The following ALPK2 variants were observed in gnomAD, a reference collection of about 807,000 sequenced individuals.
ALPK2 encodes the protein alpha-protein kinase 2.
ALPK2 carries 127 observed loss-of-function variants against 163.1 expected under a neutral mutation model. That is an observed-to-expected ratio of 0.78 (90% confidence interval 0.67 to 0.90). The LOEUF is 0.90. Ranked by LOEUF, ALPK2 falls within the 40% of genes least tolerant of loss-of-function variation. The pLI is 0.00. For synonymous variants in ALPK2, 953 were observed against 959.1 expected (o/e 0.99, Z 0.12); for missense variants, 2,360 against 2,589.6 (o/e 0.91, Z 1.92).
Position 58,536,617 on chromosome 18 carries a change from C to A in ALPK2, c.3570G>T (p.Gly1190=). Reference sequence around the variant, plus strand: ...TTTCAGCCACCACGGAGACCCTCGTCCCCCAACCTGAGCGCTGCCCTGCTC... The same window carrying A: ...TTTCAGCCACCACGGAGACCCTCGTACCCCAACCTGAGCGCTGCCCTGCTC... The part of the protein sequence containing the change: ...REGAGQRSGW[G]TRVSVVAETA... Residue 1190 remains glycine, a synonymous_variant, in exon 5 of 13, where the codon GGG becomes GGT. Transcript: ENST00000361673. 1 of 1,614,138 alleles carries A rather than the reference C, an allele frequency of 6.2e-7. No homozygotes were observed. Among genetic ancestry groups the A allele is most frequent in the Non-Finnish European group, 8.5e-7 (1 of 1,180,016 alleles).
chr18:58,577,229 C>T (rs973858398), intron 4 of ALPK2, among the ~76,000 whole-genome samples: 17 of 152,228 alleles, frequency 1.1e-4, no homozygotes, highest in African/African-American at 3.9e-4. Context: ...GGGCTCTTCC[C>T]TCCAGCTCTT....
chr18:58,557,603 A>G (rs1400237363), intron 4 of ALPK2, among the ~76,000 whole-genome samples: 1 of 152,130 alleles, frequency 6.6e-6, no homozygotes, highest in Non-Finnish European at 1.5e-5. Context: ...TTAAAGAGAA[A>G]AAGAATTATA....
At chr18:58,486,893 A>C (rs1326317548) in intron 12 of ALPK2, among the ~76,000 whole-genome samples, 1 of 152,204 alleles carries the variant, frequency 6.6e-6, no homozygotes, top group East Asian at 1.9e-4. Context: ...ACATGAATTC[A>C]ATAACATCAA....
At chr18:58,550,975 C>T (rs567551256) in intron 4 of ALPK2, among the ~76,000 whole-genome samples, 1 of 152,144 alleles carries the variant, frequency 6.6e-6, no homozygotes, top group East Asian at 1.9e-4. Flanking sequence ...CAACCCCATC[C>T]CTACCTCTAT....
intron 5 of ALPK2, among the ~76,000 whole-genome samples, chr18:58,530,498 AC>A (rs1602203102): frequency 6.6e-6 from 1 of 152,074 alleles, no homozygotes; most frequent in African/African-American, 2.4e-5. Flanking sequence ...GACCAAGCCC[AC>A]CTCCTCATCT....
intron 8 of ALPK2, among the ~76,000 whole-genome samples, chr18:58,520,069 A>G (rs909364658): frequency 6.6e-6 from 1 of 152,158 alleles, no homozygotes; most frequent in African/African-American, 2.4e-5. Context: ...TTGCAGAGCC[A>G]TCCGTTGCCA....
chr18:58,615,890 C>T (rs1245121382), intron 1 of ALPK2, among the ~76,000 whole-genome samples: 2 of 152,174 alleles, frequency 1.3e-5, no homozygotes, highest in African/African-American at 4.8e-5. Flanking sequence ...TACTGACAAA[C>T]ACACACTATT....
At chr18:58,544,798 A>G (rs1353619147) in intron 4 of ALPK2, 9 of 152,218 alleles carry the variant, frequency 5.9e-5, no homozygotes, top group Admixed American at 4.6e-4. Context: ...GATGTGGTAG[A>G]TACTGTTGGC....
intron 4 of ALPK2, among the ~76,000 whole-genome samples, chr18:58,564,997 T>C (rs1196635747): frequency 6.6e-6 from 1 of 152,240 alleles, no homozygotes; most frequent in Non-Finnish European, 1.5e-5. Context: ...AAAATAATTT[T>C]ATGTGTTTAT....
At chr18:58,623,110 A>G (rs563236970) in intron 1 of ALPK2, among the ~76,000 whole-genome samples, 1 of 152,292 alleles carries the variant, frequency 6.6e-6, no homozygotes, top group East Asian at 1.9e-4. Context: ...TGGTGTGAGG[A>G]CAGGGAAGTT....
At chr18:58,483,904 A>G (rs555244867) in intron 12 of ALPK2, among the ~76,000 whole-genome samples, 1 of 151,714 alleles carries the variant, frequency 6.6e-6, no homozygotes, top group East Asian at 1.9e-4. Flanking sequence ...GACCTTTCCA[A>G]CCAAGTCACA....
chr18:58,573,401 T>C (rs1442701025), intron 4 of ALPK2, among the ~76,000 whole-genome samples: 2 of 142,700 alleles, frequency 1.4e-5, no homozygotes, highest in African/African-American at 5.2e-5. Flanking sequence ...TATATGTGTG[T>C]ATATATATAT....
intron 3 of ALPK2, among the ~76,000 whole-genome samples, chr18:58,586,753 T>TAA (rs56281908): frequency 7.7e-5 from 11 of 143,390 alleles, no homozygotes; most frequent in African/African-American, 2.6e-4. Flanking sequence ...GGGGCATTTG[T>TAA]AAAAAAAAAA....
rs779468322 is a variant in ALPK2, at chr18:58,537,430, G to A, written c.2757C>T (p.Tyr919=). ...ENLAKVENST[Y]PLASTVHAGQ... ...CAGCATGTACTGTGGAGGCCAGTGG[G>A]TAGGTGGAATTCTCCACCTTGGCTA... is the stretch of plus-strand genomic sequence containing the variant. The change falls in exon 5 of 13, where the codon TAC becomes TAT. Residue 919 remains tyrosine (Y), a synonymous_variant. Transcript: ENST00000361673. 3 of 1,613,382 alleles carry A rather than the reference G, an allele frequency of 1.9e-6. No homozygotes were observed. The highest frequency in any genetic ancestry group is 2.5e-6 in the Non-Finnish European group (3 of 1,179,470).
intron 10 of ALPK2, among the ~76,000 whole-genome samples, chr18:58,504,664 G>C (rs1194123019): frequency 6.6e-6 from 1 of 152,138 alleles, no homozygotes; most frequent in Admixed American, 6.5e-5. Context: ...TGTTGTCAGG[G>C]CTCTCACCTT....
rs554732145 is a variant in ALPK2, at chr18:58,519,238, A to T, written c.5666-2056T>A. Among the ~76,000 whole-genome samples the T allele has an allele frequency of 3.3e-5, 5 of 152,304 alleles. No individual in the cohort carries two copies. In the East Asian group the frequency reaches 9.6e-4, roughly 29 times the overall value. On this transcript the variant is annotated intron_variant, in intron 8 of 12. Coordinates refer to ENST00000361673, the MANE Select transcript of ALPK2 (RefSeq NM_052947.4). ...AGCACAGTTTTATTTTAACAGTTAA[A>T]TTTAAAAATTAGGTGAGAAAATAGA... is the stretch of plus-strand genomic sequence containing the variant.
intron 10 of ALPK2, among the ~76,000 whole-genome samples, chr18:58,509,789 T>C (rs554087364): frequency 6.6e-6 from 1 of 151,834 alleles, no homozygotes; most frequent in South Asian, 2.1e-4. Flanking sequence ...TATTAGCCCT[T>C]TGTCAGATGA....
chr18:58,503,808 A>G, intron 11 of ALPK2, 123 bp downstream of exon 11: 1 of 791,156 alleles, frequency 1.3e-6, no homozygotes, highest in Non-Finnish European at 2.0e-6. Context: ...CAGCTTCTGC[A>G]GGTAAAGGTG....
intron 4 of ALPK2, among the ~76,000 whole-genome samples, chr18:58,570,682 C>A (rs893713801): frequency 6.6e-6 from 1 of 152,190 alleles, no homozygotes; most frequent in African/African-American, 2.4e-5. Flanking sequence ...CTCTCTCACC[C>A]CCGGCTTTCT....
Sources: gnomAD v4.1 joint callset for allele counts (sites outside exome capture counted in the v4.1 genomes callset) on GRCh38, gnomAD v4.1.1 for gene constraint, MANE v1.5 for transcripts, NCBI Gene and HGNC (gene_info 2026-07-23, HGNC 2026-07-21) for gene names.